The following UBQLN4 variants were observed in gnomAD, a reference collection of about 807,000 sequenced individuals.
The protein encoded by UBQLN4 is ubiquilin-4.
In UBQLN4, 11 loss-of-function variants were observed where a neutral mutation model predicts 60.4. That is an observed-to-expected ratio of 0.18 (90% CI 0.11 to 0.30). UBQLN4 has a LOEUF of 0.30. Among genes scored for constraint, UBQLN4 ranks in the 10% least tolerant of loss-of-function variants. The probability of loss-of-function intolerance (pLI) is 1.00; values close to 1 mark genes in which losing one functional copy is unlikely to be tolerated. For missense variants in UBQLN4, 417 were observed against 795.5 expected, an observed-to-expected ratio of 0.52 and a Z score of 5.72; for synonymous variants, 258 against 313.1, an observed-to-expected ratio of 0.82 and a Z score of 1.86.
At chr1:156,045,069 G>A (rs1484259183) in intron 5 of UBQLN4, among the ~76,000 whole-genome samples, 2 of 152,126 alleles carry the variant, frequency 1.3e-5, no homozygotes, top group African/African-American at 4.8e-5. Flanking sequence ...CTCTGGCTGA[G>A]GGAGTCCCAG....
chr1:156,052,661 C>T (rs997150867), intron 1 of UBQLN4, among the ~76,000 whole-genome samples: 3 of 152,164 alleles, frequency 2.0e-5, no homozygotes, highest in African/African-American at 4.8e-5. Context: ...TGAGGATCAG[C>T]GAGGTAAGGT....
chr1:156,038,246 G>A (rs899328505), intron 10 of UBQLN4, among the ~76,000 whole-genome samples: 6 of 152,106 alleles, frequency 3.9e-5, no homozygotes, highest in Admixed American at 1.3e-4. Flanking sequence ...GTGTGGTGGC[G>A]CATGCCTGTA....
Position 156,041,608 on chromosome 1 carries a change from C to G in UBQLN4, c.1530G>C (p.Thr510=). ...CTGGTGAGGAAGTGGGGGCCTCGGGCGTAGACCCTGCGTTGCTGCCTGCTG... is the reference window on the plus strand; with the variant it reads ...CTGGTGAGGAAGTGGGGGCCTCGGGGGTAGACCCTGCGTTGCTGCCTGCTG... ...APSAGSNAGS[T]PEAPTSSPAT... Residue 510 remains threonine (T), a synonymous_variant, in exon 10 of 11, where the codon ACG becomes ACC. Coordinates refer to ENST00000368309, the MANE Select transcript of UBQLN4 (RefSeq NM_020131.5). The G allele has an allele frequency of 3.1e-6, 5 of 1,610,196 alleles. No individual in the cohort carries two copies. Among genetic ancestry groups the G allele is most frequent in the Non-Finnish European group, 4.2e-6 (5 of 1,178,246 alleles).
chr1:156,034,535 A>C (rs187207518), downstream of UBQLN4, among the ~76,000 whole-genome samples: 39 of 151,384 alleles, frequency 2.6e-4, no homozygotes, highest in East Asian at 7.2e-3. Flanking sequence ...TGACCTCGTG[A>C]TCCACCCACC....
At chr1:156,043,479 A>G (rs927379885) in intron 6 of UBQLN4, among the ~76,000 whole-genome samples, 3 of 152,148 alleles carry the variant, frequency 2.0e-5, no homozygotes, top group African/African-American at 7.2e-5. Context: ...GAGGGAAGGA[A>G]CTTTCCCAAT....
Position 156,036,253 on chromosome 1 carries a change from C to A in UBQLN4, c.*725G>T. 2.0e-6 allele frequency: 2 copies of A among 985,642 alleles called. No homozygotes were observed. Among genetic ancestry groups the A allele is most frequent in the Non-Finnish European group, 2.4e-6 (2 of 829,986 alleles). The allele number at this position is 985,642 out of a possible 1,614,324, so 61.1% of individuals were successfully genotyped here. A position where few individuals can be genotyped will look rare whatever the true frequency, so the allele number is the denominator to read the frequency against. ...CCAACTTCCAAGCCTTTTACTCAGG[C>A]TGTCTCCCCCATTCCCTTCCTCCGA... On this transcript the variant is annotated 3_prime_UTR_variant, in exon 11 of 11. Coordinates refer to ENST00000368309, the MANE Select transcript of UBQLN4 (RefSeq NM_020131.5).
rs748076321 is a variant in UBQLN4, at chr1:156,051,765, C to G, written c.201G>C (p.Leu67=). 1 of 1,614,154 alleles carries G rather than the reference C, an allele frequency of 6.2e-7. No individual in the cohort carries two copies. Among genetic ancestry groups the G allele is most frequent in the Non-Finnish European group, 8.5e-7 (1 of 1,180,030 alleles). The part of the protein sequence containing the change: ...AGKILKDGDT[L]NQHGIKDGLT... ...GCCCGTCCTTGATTCCGTGCTGGTTCAGTGTGTCCCCATCCTTGAGGATCT... is the reference window on the plus strand; with the variant it reads ...GCCCGTCCTTGATTCCGTGCTGGTTGAGTGTGTCCCCATCCTTGAGGATCT... The change falls in exon 2 of 11, where the codon CTG becomes CTC. Residue 67 remains leucine, a synonymous_variant. Transcript: ENST00000368309.
intron 10 of UBQLN4, among the ~76,000 whole-genome samples, chr1:156,039,461 G>A (rs1300302119): frequency 1.3e-5 from 2 of 151,578 alleles, no homozygotes; most frequent in Non-Finnish European, 2.9e-5. Flanking sequence ...CGTTGGTCAG[G>A]CTGGTCTTGA....
chr1:156,033,297 C>A, downstream of UBQLN4: 1 of 985,404 alleles, frequency 1.0e-6, no homozygotes, highest in Non-Finnish European at 1.2e-6. Context: ...GCCAGAAGAG[C>A]AGAGTGTAAT....
At chr1:156,035,297 A>G, downstream of UBQLN4, 1 of 985,116 alleles carries the variant, frequency 1.0e-6, no homozygotes, top group Non-Finnish European at 1.2e-6. Context: ...ACGCCAACAC[A>G]CTCTCACAAC....
Position 156,037,025 on chromosome 1 carries a change from C to T in UBQLN4, c.1759G>A (p.Asp587Asn). ...AGTCTCTCGATAGCTGCGTTGATGT[C>T]CCCTCCTGTGGCAATCAGGGCCTGC... ...NLQALIATGG[D>N]INAAIERLLG... The change falls in exon 11 of 11, where the codon GAC becomes AAC. Residue 587 changes from aspartate to asparagine, a missense_variant. Physicochemically the swap from Asp to Asn is conservative, Grantham distance 23. Transcript: ENST00000368309. 1.2e-6 allele frequency: 2 copies of T among 1,614,176 alleles called. No homozygotes were observed. The highest frequency in any genetic ancestry group is 1.7e-6 in the Non-Finnish European group (2 of 1,180,024).
At chr1:156,038,239 T>C (rs1245442004) in intron 10 of UBQLN4, among the ~76,000 whole-genome samples, 1 of 150,156 alleles carries the variant, frequency 6.7e-6, no homozygotes, top group African/African-American at 2.5e-5. Context: ...TACCCAGGTG[T>C]GGTGGCGCAT....
intron 10 of UBQLN4, among the ~76,000 whole-genome samples, chr1:156,037,492 A>G (rs1370157737): frequency 6.6e-6 from 1 of 152,140 alleles, no homozygotes; most frequent in East Asian, 1.9e-4. Flanking sequence ...GCTACTCAGG[A>G]GGCTGAGGCA....
chr1:156,041,124 A>G (rs1374693103), intron 10 of UBQLN4, among the ~76,000 whole-genome samples: 2 of 152,214 alleles, frequency 1.3e-5, no homozygotes, highest in Non-Finnish European at 2.9e-5. Context: ...TATGTAAGTG[A>G]GTAAGCCACT....
chr1:156,042,282 T>C, intron 7 of UBQLN4, 46 bp from the exon 8 acceptor site: 8 of 1,531,008 alleles, frequency 5.2e-6, no homozygotes, highest in Non-Finnish European at 7.0e-6. Context: ...CTTTTCACCC[T>C]AAGAATTCCC....
At chr1:156,039,378 G>A (rs978287045) in intron 10 of UBQLN4, among the ~76,000 whole-genome samples, 3 of 151,224 alleles carry the variant, frequency 2.0e-5, no homozygotes, top group Non-Finnish European at 4.4e-5. Context: ...AACCTCTCGA[G>A]TAGCTGGGAT....
chr1:156,035,044 T>C (rs1683368636), downstream of UBQLN4, among the ~76,000 whole-genome samples: 2 of 150,712 alleles, frequency 1.3e-5, no homozygotes, highest in African/African-American at 2.4e-5. Flanking sequence ...AATTTTTAAA[T>C]TTTTCGTAGA....
rs1683419990 is a variant in UBQLN4 at position 156,036,998 on chromosome 1, G to C, written c.1786C>G (p.Leu596Val). The change falls in exon 11 of 11, where the codon CTG (leucine) becomes GTG (valine). Residue 596 changes from leucine (L) to valine (V), a missense_variant. Leu to Val is a conservative substitution (Grantham distance 32, BLOSUM62 1). Coordinates refer to ENST00000368309, the MANE Select transcript of UBQLN4 (RefSeq NM_020131.5). ...GDINAAIERL[L>V]GSQLS The stretch of plus-strand genomic sequence containing the variant: ...AGGGATTAGGAGAGCTGGGAGCCCA[G>C]CAGTCTCTCGATAGCTGCGTTGATG... 1 of 1,614,022 alleles carries C rather than the reference G, an allele frequency of 6.2e-7. No homozygotes were observed. Among genetic ancestry groups the C allele is most frequent in the African/African-American group, 1.3e-5 (1 of 74,936 alleles).
chr1:156,033,070 G>A (rs1683322421), downstream of UBQLN4, among the ~76,000 whole-genome samples: 1 of 152,184 alleles, frequency 6.6e-6, no homozygotes, highest in African/African-American at 2.4e-5. Flanking sequence ...CTTGGAAAGT[G>A]GCTTGAGCTT....
Sources: gnomAD v4.1 joint callset for allele counts (sites outside exome capture counted in the v4.1 genomes callset) on GRCh38, gnomAD v4.1.1 for gene constraint, MANE v1.5 for transcripts, NCBI Gene and HGNC (gene_info 2026-07-23, HGNC 2026-07-21) for gene names.